The following ASPH variants were observed in gnomAD, a reference collection of about 807,000 sequenced individuals.
ASPH encodes the protein aspartyl/asparaginyl beta-hydroxylase.
In ASPH, 100 loss-of-function variants were observed where a neutral mutation model predicts 118.4. The observed-to-expected ratio is 0.84, with a 90% CI of 0.72 to 1.00. The LOEUF (loss-of-function observed/expected upper bound fraction) is 1.00. Among genes scored for constraint, ASPH ranks in the 50% least tolerant of loss-of-function variants. ASPH has a pLI of 0.00. For synonymous variants in ASPH, 315 were observed against 325.6 expected (o/e 0.97, Z 0.35); for missense variants, 920 against 919.5 (o/e 1.00, Z -0.01).
chr8:61,589,002 A>T (rs1309518554), intron 14 of ASPH, among the ~76,000 whole-genome samples: 2 of 152,230 alleles, frequency 1.3e-5, no homozygotes, highest in Non-Finnish European at 2.9e-5. Context: ...AAAGTGGCCT[A>T]GTCCAAAAGG....
chr8:61,563,007 G>T (rs1275191693), intron 17 of ASPH, 127 bp from the exon 18 acceptor site: 1 of 911,862 alleles, frequency 1.1e-6, no homozygotes, highest in Non-Finnish European at 1.5e-6. Flanking sequence ...GGCTTTATTA[G>T]TGGTTTACTA....
At chr8:61,704,174 G>A (rs1476828525) in intron 1 of ASPH, among the ~76,000 whole-genome samples, 5 of 109,764 alleles carry the variant, frequency 4.6e-5, no homozygotes, top group South Asian at 3.1e-4. Context: ...CAGCCTGGGC[G>A]ACAGAGCGAG....
chr8:61,641,706 A>G (rs1381662433), intron 10 of ASPH, among the ~76,000 whole-genome samples: 2 of 152,148 alleles, frequency 1.3e-5, no homozygotes, highest in East Asian at 3.9e-4. Context: ...ATTTTCTTCA[A>G]TTGTGATTCA....
chr8:61,710,749 A>T (rs1837881364), intron 1 of ASPH, among the ~76,000 whole-genome samples: 3 of 152,314 alleles, frequency 2.0e-5, no homozygotes, highest in Admixed American at 2.0e-4. Context: ...TTGGCTAAAG[A>T]AAGAAAATTT....
At chr8:61,659,285 G>A (rs768977707) in intron 3 of ASPH, 1 of 152,194 alleles carries the variant, frequency 6.6e-6, no homozygotes, top group Non-Finnish European at 1.5e-5. Context: ...TAGATACTCA[G>A]AAATATTAGT....
intron 6 of ASPH, among the ~76,000 whole-genome samples, 183 bp downstream of exon 6, chr8:61,646,567 T>G (rs1237203107): frequency 6.6e-6 from 1 of 152,206 alleles, no homozygotes. Flanking sequence ...TGAAAAGTGC[T>G]TTGAACCAAA....
At chr8:61,527,602 G>C (rs4607601) in intron 21 of ASPH, among the ~76,000 whole-genome samples, 1 of 152,192 alleles carries the variant, frequency 6.6e-6, no homozygotes. Context: ...GATGTGGGGA[G>C]GCCAAAGGAG....
intron 3 of ASPH, among the ~76,000 whole-genome samples, chr8:61,672,367 A>C (rs1367201019): frequency 6.6e-6 from 1 of 152,162 alleles, no homozygotes; most frequent in Non-Finnish European, 1.5e-5. Flanking sequence ...GAGACAGAGA[A>C]AAAAAGGTAA....
At chr8:61,700,602 G>A (rs969796523) in intron 1 of ASPH, among the ~76,000 whole-genome samples, 6 of 148,324 alleles carry the variant, frequency 4.0e-5, no homozygotes, top group African/African-American at 1.0e-4. Context: ...TCCATATGTC[G>A]GGCTCAACCA....
chr8:61,660,364 C>G (rs1226206259), intron 3 of ASPH: 1 of 152,148 alleles, frequency 6.6e-6, no homozygotes, highest in Non-Finnish European at 1.5e-5. Context: ...TGCATCAATT[C>G]CTCCTCCTTC....
intron 16 of ASPH, among the ~76,000 whole-genome samples, chr8:61,573,745 C>T (rs770374714): frequency 6.6e-6 from 1 of 151,976 alleles, no homozygotes; most frequent in Non-Finnish European, 1.5e-5. Context: ...CCATAAAAAC[C>T]CGAGAAGAAA....
At chr8:61,699,788 G>A (rs1475894777) in intron 1 of ASPH, among the ~76,000 whole-genome samples, 3 of 152,188 alleles carry the variant, frequency 2.0e-5, no homozygotes, top group Non-Finnish European at 4.4e-5. Flanking sequence ...TTCTCTGCAG[G>A]AGAATGCCTG....
Position 61,511,108 on chromosome 8 carries a change from C to G in ASPH, c.2126+6420G>C, listed in dbSNP as rs181126840. ...TCATGATGAATTAAAAAAATTAAGT[C>G]TCTCTTACTGTTAATATTTTAGCAT... On this transcript the variant is annotated intron_variant, in intron 24 of 24. Coordinates refer to ENST00000379454, the MANE Select transcript of ASPH (RefSeq NM_004318.4). Among the ~76,000 whole-genome samples, 495 of 152,240 alleles carry G rather than the reference C, an allele frequency of 3.3e-3. 1 individual carries two copies. The highest frequency in any genetic ancestry group is 5.3e-3 in the Non-Finnish European group (361 of 68,024).
rs375445620 is a variant in ASPH, at chr8:61,526,084, C to T, written c.1793G>A (p.Arg598Gln). 78 of 1,613,864 alleles carry T rather than the reference C, an allele frequency of 4.8e-5. No homozygotes were observed. Among genetic ancestry groups the T allele is most frequent in the Admixed American group, 1.2e-4 (7 of 59,990 alleles). The change falls in exon 22 of 25, where the codon CGA (arginine) becomes CAA (glutamine). Residue 598 changes from arginine (R) to glutamine (Q), a missense_variant. Coordinates refer to ENST00000379454, the MANE Select transcript of ASPH (RefSeq NM_004318.4). ...ATCCATCACTGCAAGGCCTTCATCT[C>T]GGATTAACTTCCAGTTTCTTTCTAA... ...KSLERNWKLI[R>Q]DEGLAVMDKA...
At chr8:61,562,908 A>T (rs201142726) in intron 17 of ASPH, 28 bp from the exon 18 acceptor site, 64 of 1,555,494 alleles carry the variant, frequency 4.1e-5, no homozygotes, top group Non-Finnish European at 5.4e-5. Flanking sequence ...TAAAAAAAAT[A>T]GAAATAAAAA....
intron 21 of ASPH, among the ~76,000 whole-genome samples, chr8:61,547,778 A>C (rs1214918749): frequency 2.0e-5 from 3 of 152,098 alleles, no homozygotes; most frequent in Admixed American, 2.0e-4. Context: ...TCTAATGATT[A>C]TATTGGTAGA....
Position 61,643,404 on chromosome 8 carries a change from T to G in ASPH, c.739A>C (p.Arg247=). Residue 247 remains arginine (R), a synonymous_variant, in exon 9 of 25, where the codon AGA becomes CGA. Coordinates refer to ENST00000379454, the MANE Select transcript of ASPH (RefSeq NM_004318.4). ...DSSEPVVEDE[R]LHHDTDDVTY... The stretch of plus-strand genomic sequence containing the variant: ...CTAATACCTGTATCATGGTGCAATC[T>G]TTCATCTTCTACTACTGGTTCACTG... 6.2e-7 allele frequency: 1 copy of G among 1,605,728 alleles called. No individual in the cohort carries two copies. The highest frequency in any genetic ancestry group is 8.5e-7 in the Non-Finnish European group (1 of 1,179,554).
chr8:61,515,589 AC>A (rs1490589372), intron 24 of ASPH, among the ~76,000 whole-genome samples: 1 of 152,120 alleles, frequency 6.6e-6, no homozygotes, highest in Non-Finnish European at 1.5e-5. Flanking sequence ...CTCTAGACTT[AC>A]CTTCTCCCCT....
At chr8:61,643,650 C>G in intron 8 of ASPH, among the ~76,000 whole-genome samples, 1 of 152,198 alleles carries the variant, frequency 6.6e-6, no homozygotes, top group East Asian at 1.9e-4. Context: ...CCCAGAATGA[C>G]TTTATAGTAC....
Sources: gnomAD v4.1 joint callset for allele counts (sites outside exome capture counted in the v4.1 genomes callset) on GRCh38, gnomAD v4.1.1 for gene constraint, MANE v1.5 for transcripts, NCBI Gene and HGNC (gene_info 2026-07-23, HGNC 2026-07-21) for gene names.